UGGT1: variants seen among roughly 807,000 people sequenced by gnomAD.
UGGT1 encodes the protein UDP-glucose:glycoprotein glucosyltransferase 1.
UGGT1 carries 107 observed loss-of-function variants against 203.9 expected under a neutral mutation model. The observed-to-expected ratio is 0.52, with a 90% CI of 0.45 to 0.62. The LOEUF (loss-of-function observed/expected upper bound fraction) is 0.62. UGGT1 is among the 20% of genes least tolerant of loss of function. The pLI, the probability that UGGT1 is intolerant of heterozygous loss-of-function variation, is 0.00. For missense variants in UGGT1, 1,673 were observed against 1,867.2 expected, an observed-to-expected ratio of 0.90 and a Z score of 1.92; for synonymous variants, 628 against 653.5, an observed-to-expected ratio of 0.96 and a Z score of 0.59.
chr2:128,091,420 C>T lies in UGGT1; in HGVS notation c.58+5C>T. 6.3e-7 allele frequency: 1 copy of T among 1,579,934 alleles called. No homozygotes were observed. Among genetic ancestry groups the T allele is most frequent in the Non-Finnish European group, 8.6e-7 (1 of 1,162,918 alleles). Reference sequence around the variant, plus strand: ...CGGGTGCGCTGCCGGTGACAGGTACCCAGGGGTGGCGTGAGGAGGCCTCGT... The same window carrying T: ...CGGGTGCGCTGCCGGTGACAGGTACTCAGGGGTGGCGTGAGGAGGCCTCGT... On this transcript the variant is annotated splice_donor_5th_base_variant and intron_variant, in intron 1 of 40. Coordinates refer to ENST00000259253, the MANE Select transcript of UGGT1 (RefSeq NM_020120.4).
chr2:128,143,939 T>G (rs780939103), intron 17 of UGGT1, among the ~76,000 whole-genome samples: 1 of 152,204 alleles, frequency 6.6e-6, no homozygotes, highest in African/African-American at 2.4e-5. Context: ...TAAATGTCAT[T>G]GCACTTGTAA....
At chr2:128,184,500 C>G (rs1691873287) in intron 38 of UGGT1, among the ~76,000 whole-genome samples, 1 of 152,170 alleles carries the variant, frequency 6.6e-6, no homozygotes, top group Admixed American at 6.5e-5. Flanking sequence ...AGAACATTAT[C>G]AGCATCCCAG....
rs1216348399 is a variant in UGGT1, at chr2:128,195,609, GA to G, written c.*5869del. On this transcript the variant is annotated 3_prime_UTR_variant, in exon 41 of 41. Coordinates refer to ENST00000259253, the MANE Select transcript of UGGT1 (RefSeq NM_020120.4). ...TCTGCGTTCGAAGGGAATTGAGAAT[GA>G]ACTTCCTGGTACTGTAATGAAAATA... The G allele has an allele frequency of 2.0e-5, 3 of 152,204 alleles. No homozygotes were observed. The highest frequency in any genetic ancestry group is 2.9e-5 in the Non-Finnish European group (2 of 68,046). The allele number at this position is 152,204 out of a possible 1,614,324, so 9.4% of individuals were successfully genotyped here.
At position 128,178,035 on chromosome 2, in the gene UGGT1, G is replaced by A. The variant is rs929738947; in HGVS notation, c.3713+115G>A. On this transcript the variant is annotated intron_variant, in intron 33 of 40. Transcript: ENST00000259253. Reference sequence around the variant, plus strand: ...CTGGGCCTTTCACATTCTACTTTGTGCAGCTACATCTCACACTTATATTTG... The same window carrying A: ...CTGGGCCTTTCACATTCTACTTTGTACAGCTACATCTCACACTTATATTTG... The A allele has an allele frequency of 8.2e-6, 7 of 850,058 alleles. No homozygotes were observed. In the African/African-American group the frequency reaches 1.0e-4, roughly 13 times the overall value. 52.7% of individuals were successfully genotyped at this position (850,058 alleles called of 1,614,324 possible).
chr2:128,135,304 C>T (rs1485993759), intron 15 of UGGT1, among the ~76,000 whole-genome samples: 1 of 152,234 alleles, frequency 6.6e-6, no homozygotes, highest in Non-Finnish European at 1.5e-5. Context: ...TTGCCAATAA[C>T]TTGTTAGCCT....
chr2:128,133,884 A>C (rs1342942991), intron 14 of UGGT1, among the ~76,000 whole-genome samples: 2 of 152,204 alleles, frequency 1.3e-5, no homozygotes, highest in African/African-American at 4.8e-5. Context: ...AGAGAGAGAG[A>C]GGGTTCTTCA....
chr2:128,162,450 A>AG (rs1429181145), intron 25 of UGGT1, among the ~76,000 whole-genome samples: 1 of 152,038 alleles, frequency 6.6e-6, no homozygotes, highest in East Asian at 1.9e-4. Context: ...CAAAAAAAAA[A>AG]AGTTCTGCTG....
chr2:128,169,571 G>T (rs552594535), intron 26 of UGGT1, among the ~76,000 whole-genome samples: 1 of 152,320 alleles, frequency 6.6e-6, no homozygotes, highest in South Asian at 2.1e-4. Flanking sequence ...TGACTCTAAA[G>T]AAATTTCCAA....
At chr2:128,124,554 T>C (rs1361457181) in intron 11 of UGGT1, among the ~76,000 whole-genome samples, 3 of 152,080 alleles carry the variant, frequency 2.0e-5, no homozygotes, top group Admixed American at 6.5e-5. Context: ...TTAAATTCTT[T>C]GTTTGTGTTT....
chr2:128,103,864 C>T, intron 2 of UGGT1, 68 bp from the exon 3 acceptor site: 1 of 1,153,484 alleles, frequency 8.7e-7, no homozygotes, highest in South Asian at 1.6e-5. Context: ...TATTTTTACT[C>T]TCTTTAGTAA....
intron 8 of UGGT1, among the ~76,000 whole-genome samples, chr2:128,119,069 A>G (rs1489067301): frequency 6.6e-6 from 1 of 152,220 alleles, no homozygotes; most frequent in Non-Finnish European, 1.5e-5. Context: ...GAATATTTGC[A>G]TGATACTTAC....
chr2:128,182,228 C>T lies in UGGT1; in HGVS notation c.4182C>T (p.Gly1394=), dbSNP rs1374264035. 1 of 1,614,148 alleles carries T rather than the reference C, an allele frequency of 6.2e-7. No homozygotes were observed. Among genetic ancestry groups the T allele is most frequent in the Non-Finnish European group, 8.5e-7 (1 of 1,180,018 alleles). The change falls in exon 37 of 41, where the codon GGC becomes GGT. Residue 1394 remains glycine, a synonymous_variant. Transcript: ENST00000259253. ...GTGACAGCCGAAGAGAAATGGACGG[C>T]TACAGGTTCTGGAAGTCAGGGTACT... is the stretch of plus-strand genomic sequence containing the variant. ...PFCDSRREMD[G]YRFWKSGYWA...
Position 128,164,716 on chromosome 2 carries a change from AC to A in UGGT1, c.2826-10del, listed in dbSNP as rs1416863586. The A allele has an allele frequency of 1.2e-6, 2 of 1,610,998 alleles. No homozygotes were observed. The highest frequency in any genetic ancestry group is 2.7e-5 in the African/African-American group (2 of 74,844). ...TTAAAAAGATGTTAAGATTTCTCTA[AC>A]CCCTTCTTTCAGGGCAAGCGACTTG... On this transcript the variant is annotated splice_polypyrimidine_tract_variant and intron_variant, in intron 25 of 40. Coordinates refer to ENST00000259253, the MANE Select transcript of UGGT1 (RefSeq NM_020120.4).
intron 30 of UGGT1, 40 bp downstream of exon 30, chr2:128,173,979 G>C: frequency 6.3e-7 from 1 of 1,598,122 alleles, no homozygotes; most frequent in Non-Finnish European, 8.6e-7. Flanking sequence ...TTGTAGTTAC[G>C]TTAATTTGGG....
At chr2:128,187,746 C>A in intron 40 of UGGT1, 132 bp downstream of exon 40, 2 of 1,005,020 alleles carry the variant, frequency 2.0e-6, no homozygotes, top group Non-Finnish European at 2.7e-6. Context: ...TAACATCAAC[C>A]AGTATATATT....
At chr2:128,119,842 T>G (rs1311223107) in intron 8 of UGGT1, among the ~76,000 whole-genome samples, 4 of 152,254 alleles carry the variant, frequency 2.6e-5, no homozygotes, top group Non-Finnish European at 5.9e-5. Context: ...TATAAGCCTT[T>G]TTTTACTTTA....
Position 128,193,892 on chromosome 2 carries a change from C to T in UGGT1, c.*4150C>T, listed in dbSNP as rs573989487. On this transcript the variant is annotated 3_prime_UTR_variant, in exon 41 of 41. Transcript: ENST00000259253. ...TGGCCTGAACGATTAAAAGAAAGAA[C>T]TCAGAGTTACAAGGGAAAAAGAAAA... 4 of 152,064 alleles carry T rather than the reference C, an allele frequency of 2.6e-5. No individual in the cohort carries two copies. Among genetic ancestry groups the T allele is most frequent in the Non-Finnish European group, 5.9e-5 (4 of 68,008 alleles). 9.4% of individuals were successfully genotyped at this position (152,064 alleles called of 1,614,324 possible).
At position 128,136,254 on chromosome 2, in the gene UGGT1, A is replaced by G. The variant is rs138018390; in HGVS notation, c.1583+1293A>G. On this transcript the variant is annotated intron_variant, in intron 15 of 40. Transcript: ENST00000259253. ...ACTAAACTCCATAGTTTACATTAAG[A>G]TTTGTTATTTGTGTTGATGACACAA... Among the ~76,000 whole-genome samples the G allele has an allele frequency of 1.8e-3, 272 of 152,328 alleles. 2 individuals are homozygous for G. The highest frequency in any genetic ancestry group is 3.4e-3 in the Middle Eastern group (1 of 294).
chr2:128,109,270 T>C (rs1331274648), intron 4 of UGGT1, among the ~76,000 whole-genome samples: 1 of 152,106 alleles, frequency 6.6e-6, no homozygotes, highest in Non-Finnish European at 1.5e-5. Flanking sequence ...GTTCTGTGAT[T>C]ACGGATCACT....
Sources: allele counts gnomAD v4.1 joint callset (sites outside exome capture counted in the v4.1 genomes callset), GRCh38; gene constraint gnomAD v4.1.1; transcripts MANE v1.5; gene names NCBI Gene and HGNC (gene_info 2026-07-23, HGNC 2026-07-21).